The following FRYL variants were observed in gnomAD, a reference collection of about 807,000 sequenced individuals.
FRYL encodes the protein protein furry homolog-like.
Under a neutral mutation model 351.2 loss-of-function variants are expected in FRYL, and 150 were observed. The observed-to-expected ratio is 0.43, with a 90% CI of 0.37 to 0.49. The LOEUF (loss-of-function observed/expected upper bound fraction) is 0.49. Among genes scored for constraint, FRYL ranks in the 20% least tolerant of loss-of-function variants. FRYL has a pLI of 0.00. For synonymous variants in FRYL, 1,153 were observed against 1,257.1 expected (o/e 0.92, Z 1.75); for missense variants, 3,036 against 3,619.3 (o/e 0.84, Z 4.13).
chr4:48,667,403 G>T (rs1761910288), intron 3 of FRYL, among the ~76,000 whole-genome samples: 1 of 150,956 alleles, frequency 6.6e-6, no homozygotes, highest in Admixed American at 6.6e-5. Context: ...TCCAAAAACA[G>T]TCACACAGAA....
chr4:48,637,328 G>A (rs542513424), intron 3 of FRYL: 1 of 151,920 alleles, frequency 6.6e-6, no homozygotes, highest in African/African-American at 2.4e-5. Context: ...GTAAAGATAC[G>A]TGAATTCTTT....
At chr4:48,504,166 T>C (rs1287181578) in intron 60 of FRYL, among the ~76,000 whole-genome samples, 2 of 152,106 alleles carry the variant, frequency 1.3e-5, no homozygotes, top group South Asian at 2.1e-4. Flanking sequence ...TATTAAAATT[T>C]GCACATTCTT....
At chr4:48,734,703 T>G (rs1253063802) in intron 1 of FRYL, among the ~76,000 whole-genome samples, 3 of 152,194 alleles carry the variant, frequency 2.0e-5, no homozygotes, top group Non-Finnish European at 4.4e-5. Context: ...TAATCCATCT[T>G]GAATTGATTT....
intron 1 of FRYL, among the ~76,000 whole-genome samples, chr4:48,736,850 GAAAAAAAA>G (rs368006420): frequency 2.0e-4 from 8 of 40,610 alleles, no homozygotes; most frequent in East Asian, 7.3e-4. Context: ...ACTCTGTCTC[GAAAAAAAA>G]AAAAAAAAAA....
Position 48,606,585 on chromosome 4 carries a change from C to T in FRYL, c.594G>A (p.Lys198=), listed in dbSNP as rs1746875889. The T allele has an allele frequency of 6.2e-7, 1 of 1,610,652 alleles. No homozygotes were observed. The highest frequency in any genetic ancestry group is 8.5e-7 in the Non-Finnish European group (1 of 1,177,624). Residue 198 remains lysine, a synonymous_variant, in exon 10 of 64, where the codon AAG becomes AAA. Transcript: ENST00000358350. The stretch of plus-strand genomic sequence containing the variant: ...GCAGTTCTTTTAATTCTGTCACAAA[C>T]TTCTTCCTTACAGCCTGAAACCTTT... The part of the protein sequence containing the change: ...AQSKFQAVRK[K]FVTELKELRQ...
chr4:48,617,142 G>A (rs1749648950), intron 7 of FRYL, among the ~76,000 whole-genome samples: 1 of 151,998 alleles, frequency 6.6e-6, no homozygotes. Flanking sequence ...ATTAGCGTAT[G>A]GGGATAATAG....
At chr4:48,637,918 A>G (rs1456257973) in intron 3 of FRYL, 1 of 152,138 alleles carries the variant, frequency 6.6e-6, no homozygotes, top group Non-Finnish European at 1.5e-5. Context: ...AACTCTTACA[A>G]TTAGGTGTGT....
intron 3 of FRYL, among the ~76,000 whole-genome samples, chr4:48,645,536 T>TTCATA (rs1756302212): frequency 6.6e-6 from 1 of 152,114 alleles, no homozygotes; most frequent in Admixed American, 6.6e-5. Flanking sequence ...CAGAAAAGAT[T>TTCATA]TCATATATAC....
chr4:48,603,205 A>T, intron 12 of FRYL, 85 bp downstream of exon 12: 1 of 964,906 alleles, frequency 1.0e-6, no homozygotes, highest in Non-Finnish European at 1.6e-6. Flanking sequence ...AGATTTTACC[A>T]TTCTCTTAAA....
intron 3 of FRYL, among the ~76,000 whole-genome samples, chr4:48,662,853 C>T (rs1395169818): frequency 2.0e-5 from 3 of 150,564 alleles, no homozygotes; most frequent in Non-Finnish European, 4.4e-5. Flanking sequence ...AACTACTGAC[C>T]CAGAATTCTA....
chr4:48,592,901 G>A (rs1743747022), intron 16 of FRYL, among the ~76,000 whole-genome samples: 1 of 152,068 alleles, frequency 6.6e-6, no homozygotes, highest in East Asian at 1.9e-4. Flanking sequence ...ACTATGTATA[G>A]GATCAAGATA....
At chr4:48,725,873 T>C (rs1770022781) in intron 1 of FRYL, among the ~76,000 whole-genome samples, 3 of 152,176 alleles carry the variant, frequency 2.0e-5, no homozygotes. Context: ...GGTATGTATG[T>C]ATGGGAAAAA....
chr4:48,617,286 G>A (rs1276090493), intron 7 of FRYL, among the ~76,000 whole-genome samples: 1 of 149,228 alleles, frequency 6.7e-6, no homozygotes, highest in African/African-American at 2.5e-5. Flanking sequence ...CCATGGGTCA[G>A]AAATGATTTT....
At chr4:48,724,957 C>G (rs1769920430) in intron 1 of FRYL, among the ~76,000 whole-genome samples, 1 of 152,172 alleles carries the variant, frequency 6.6e-6, no homozygotes, top group Admixed American at 6.6e-5. Flanking sequence ...ATACTGGAAT[C>G]AAACTTTATC....
At chr4:48,777,315 C>A (rs1439361048) in intron 1 of FRYL, among the ~76,000 whole-genome samples, 1 of 152,194 alleles carries the variant, frequency 6.6e-6, no homozygotes, top group Non-Finnish European at 1.5e-5. Context: ...ATATCTTCCC[C>A]CAACAGTAAG....
intron 6 of FRYL, among the ~76,000 whole-genome samples, chr4:48,620,170 C>G (rs1192998287): frequency 6.6e-6 from 1 of 152,116 alleles, no homozygotes; most frequent in African/African-American, 2.4e-5. Context: ...CAAGATCATC[C>G]TGGGAAATTT....
intron 1 of FRYL, among the ~76,000 whole-genome samples, chr4:48,758,739 C>A (rs1774086870): frequency 6.6e-6 from 1 of 152,042 alleles, no homozygotes; most frequent in Admixed American, 6.6e-5. Flanking sequence ...GGGTATATAC[C>A]CAAAGGATTA....
chr4:48,702,760 C>CA (rs34250320), intron 2 of FRYL, among the ~76,000 whole-genome samples: 165 of 9,310 alleles, frequency 0.018, 2 homozygotes, highest in African/African-American at 0.045. Context: ...GACTCCGTCT[C>CA]AAAAAAAAAA....
intron 2 of FRYL, among the ~76,000 whole-genome samples, chr4:48,696,783 T>C (rs1766210163): frequency 6.6e-6 from 1 of 151,572 alleles, no homozygotes; most frequent in East Asian, 1.9e-4. Flanking sequence ...GATACTATTA[T>C]TAAGCAAGAA....
Sources: allele counts gnomAD v4.1 joint callset (sites outside exome capture counted in the v4.1 genomes callset), GRCh38; gene constraint gnomAD v4.1.1; transcripts MANE v1.5; gene names NCBI Gene and HGNC (gene_info 2026-07-23, HGNC 2026-07-21).